Variants in BLOC1S3 observed in about 807,000 individuals in gnomAD.
BLOC1S3 encodes the protein biogenesis of lysosome-related organelles complex 1 subunit 3.
In BLOC1S3, 7 loss-of-function variants were observed where a neutral mutation model predicts 9.1. The ratio of observed to expected loss-of-function variants is 0.77; its 90% CI spans 0.44 to 1.45. BLOC1S3 has a LOEUF of 1.45. Among genes scored for constraint, BLOC1S3 ranks in the 40% most tolerant of loss-of-function variants. The pLI is 0.01. For synonymous variants in BLOC1S3, 145 were observed against 158.4 expected (o/e 0.92, Z 0.64); for missense variants, 307 against 315.2 (o/e 0.97, Z 0.20).
chr19:45,183,995 G>A (rs1266813603), downstream of BLOC1S3, among the ~76,000 whole-genome samples: 1 of 152,182 alleles, frequency 6.6e-6, no homozygotes, highest in Non-Finnish European at 1.5e-5. Flanking sequence ...GCCTGGGAGA[G>A]TGGCAGCTTA....
At chr19:45,182,349 C>T (rs1415607002), downstream of BLOC1S3, among the ~76,000 whole-genome samples, 4 of 149,186 alleles carry the variant, frequency 2.7e-5, no homozygotes, top group African/African-American at 4.9e-5. Flanking sequence ...CACTCCAGCC[C>T]GAGCGACAGA....
At chr19:45,207,281 C>A (rs7249570) in intron 3 of BLOC1S3, among the ~76,000 whole-genome samples, 1 of 150,882 alleles carries the variant, frequency 6.6e-6, no homozygotes, top group Admixed American at 6.6e-5. Flanking sequence ...TACAGGTGCC[C>A]GACACCAAGC....
At chr19:45,200,672 C>A (rs1382203878) in intron 2 of BLOC1S3, among the ~76,000 whole-genome samples, 1 of 152,114 alleles carries the variant, frequency 6.6e-6, no homozygotes, top group African/African-American at 2.4e-5. Flanking sequence ...GTTTAGTTCA[C>A]TTGGTGAGGT....
intron 3 of BLOC1S3, among the ~76,000 whole-genome samples, chr19:45,215,029 G>A (rs1356923378): frequency 2.0e-5 from 3 of 151,836 alleles, no homozygotes; most frequent in Non-Finnish European, 4.4e-5. Context: ...GGTGGCACAT[G>A]CCTATACTTG....
chr19:45,181,012 C>T lies in BLOC1S3; in HGVS notation c.*1107C>T, dbSNP rs1969513740. 1.2e-5 allele frequency: 2 copies of T among 167,256 alleles called. No individual in the cohort carries two copies. The highest frequency in any genetic ancestry group is 4.8e-5 in the African/African-American group (2 of 41,428). 10.4% of individuals were successfully genotyped at this position (167,256 alleles called of 1,614,324 possible). A position where few individuals can be genotyped will look rare whatever the true frequency, so the allele number is the denominator to read the frequency against. On this transcript the variant is annotated 3_prime_UTR_variant, in exon 2 of 2. Coordinates refer to ENST00000433642, the MANE Select transcript of BLOC1S3 (RefSeq NM_212550.5). ...AAATGCTGGGATTACAGGCGTGGGC[C>T]ACTGCGCCTAGCCAGCTGGGTCCTT...
intron 3 of BLOC1S3, among the ~76,000 whole-genome samples, chr19:45,210,105 A>G (rs1055532674): frequency 6.6e-6 from 1 of 152,140 alleles, no homozygotes; most frequent in Admixed American, 6.6e-5. Flanking sequence ...ACAAAAGACT[A>G]CGTTATGTAT....
In BLOC1S3 at chr19:45,179,602, CG is replaced by C; in HGVS notation, c.307del (p.Ala103ProfsTer26). 6.8e-7 allele frequency: 1 copy of C among 1,473,582 alleles called. No homozygotes were observed. The highest frequency in any genetic ancestry group is 8.9e-7 in the Non-Finnish European group (1 of 1,119,116). 91.3% of individuals were successfully genotyped at this position (1,473,582 alleles called of 1,614,324 possible). On this transcript the variant is annotated frameshift_variant, in exon 2 of 2. Transcript: ENST00000433642. LOFTEE classifies it high-confidence loss of function. The surrounding 1 kb of genome is among the most constrained non-coding windows in gnomAD (Gnocchi z 4.6). ...GGGGCACGGAGGAGGCCCCGGCGCC[CG>C]CCCCCGCGCGCTCGCTCCTGCAACT... ...AWGTEEAPAP[A>X]PARSLLQLRL...
intron 3 of BLOC1S3, among the ~76,000 whole-genome samples, chr19:45,210,685 C>T (rs1038419406): frequency 6.6e-6 from 1 of 151,946 alleles, no homozygotes; most frequent in Non-Finnish European, 1.5e-5. Context: ...CCAACTGCAA[C>T]CTTGAACACC....
chr19:45,197,277 A>T (rs1031466844), intron 2 of BLOC1S3, among the ~76,000 whole-genome samples: 1 of 152,076 alleles, frequency 6.6e-6, no homozygotes, highest in African/African-American at 2.4e-5. Flanking sequence ...GCTAGAGCTC[A>T]GGAGTTCAAG....
chr19:45,214,736 A>T, intron 3 of BLOC1S3, among the ~76,000 whole-genome samples: 1 of 151,430 alleles, frequency 6.6e-6, no homozygotes, highest in South Asian at 2.1e-4. Flanking sequence ...AAGTGCTGGG[A>T]TTACAAGCGT....
chr19:45,183,892 C>G (rs1055961103), downstream of BLOC1S3, among the ~76,000 whole-genome samples: 2 of 152,068 alleles, frequency 1.3e-5, no homozygotes, highest in Non-Finnish European at 2.9e-5. Context: ...GCCTCTGCCT[C>G]CCAAAGTGCT....
chr19:45,203,084 C>A (rs1325721897), intron 3 of BLOC1S3, among the ~76,000 whole-genome samples: 1 of 151,664 alleles, frequency 6.6e-6, no homozygotes, highest in Non-Finnish European at 1.5e-5. Context: ...AGGAGTCTCT[C>A]CCGGAACTGC....
At chr19:45,216,610 T>A (rs958198743) in intron 3 of BLOC1S3, 1 of 153,522 alleles carries the variant, frequency 6.5e-6, no homozygotes, top group Non-Finnish European at 1.5e-5. Context: ...AAATAAAAAA[T>A]AAAATGTAGC....
In BLOC1S3 at chr19:45,180,080, C is replaced by T. The variant is rs1017701626; in HGVS notation, c.*175C>T. 3 of 686,804 alleles carry T rather than the reference C, an allele frequency of 4.4e-6. No homozygotes were observed. The highest frequency in any genetic ancestry group is 7.1e-6 in the Non-Finnish European group (3 of 425,380). The allele number at this position is 686,804 out of a possible 1,614,324, so 42.5% of individuals were successfully genotyped here. ...ATGCTTTATATTGGATATAGTTCAA[C>T]CCCTACTGCGGAGACCAGGGCCCCA... On this transcript the variant is annotated 3_prime_UTR_variant, in exon 2 of 2. Coordinates refer to ENST00000433642, the MANE Select transcript of BLOC1S3 (RefSeq NM_212550.5).
At chr19:45,195,557 C>T (rs1461253227) in intron 2 of BLOC1S3, among the ~76,000 whole-genome samples, 1 of 140,534 alleles carries the variant, frequency 7.1e-6, no homozygotes, top group Non-Finnish European at 1.6e-5. Flanking sequence ...CTCCCTCCCT[C>T]CTTCCCTCCC....
intron 3 of BLOC1S3, among the ~76,000 whole-genome samples, chr19:45,211,566 C>T (rs1373683276): frequency 6.6e-6 from 1 of 151,298 alleles, no homozygotes; most frequent in East Asian, 1.9e-4. Context: ...GGAAGGTGCA[C>T]CCTCAGGACA....
intron 3 of BLOC1S3, chr19:45,213,489 T>TC: frequency 1.0e-6 from 1 of 1,002,108 alleles, no homozygotes; most frequent in Non-Finnish European, 1.4e-6. Flanking sequence ...CTGTGTCCCC[T>TC]CCAGAGCCTT....
At chr19:45,184,903 C>CAAAAAGAAAAAA (rs1969554702), downstream of BLOC1S3, among the ~76,000 whole-genome samples, 1 of 48,278 alleles carries the variant, frequency 2.1e-5, no homozygotes, top group Non-Finnish European at 4.0e-5. Flanking sequence ...CTGTCTCAAA[C>CAAAAAGAAAAAA]AAAAAAAAAA....
chr19:45,188,522 A>T (rs1969582170), intron 2 of BLOC1S3, among the ~76,000 whole-genome samples: 1 of 149,554 alleles, frequency 6.7e-6, no homozygotes, highest in South Asian at 2.1e-4. Context: ...ATGTGCTGTC[A>T]AATAGTAGAT....
Sources: allele counts gnomAD v4.1 joint callset (sites outside exome capture counted in the v4.1 genomes callset), GRCh38; gene constraint gnomAD v4.1.1; non-coding constraint Gnocchi (gnomAD v3.1); transcripts MANE v1.5; gene names NCBI Gene and HGNC (gene_info 2026-07-23, HGNC 2026-07-21).